The following DAGLA variants were observed in gnomAD, a reference collection of about 807,000 sequenced individuals.
The protein encoded by DAGLA is diacylglycerol lipase-alpha.
In DAGLA, 22 loss-of-function variants were observed where a neutral mutation model predicts 102.6. That is an observed-to-expected ratio of 0.21 (90% confidence interval 0.15 to 0.31). The LOEUF is 0.31. Among genes scored for constraint, DAGLA ranks in the 10% least tolerant of loss-of-function variants. The probability of loss-of-function intolerance (pLI) is 1.00; values close to 1 mark genes in which losing one functional copy is unlikely to be tolerated. For missense variants in DAGLA, 927 were observed against 1,446.6 expected (o/e 0.64, Z 5.83); for synonymous variants, 578 against 628.9 (o/e 0.92, Z 1.21).
chr11:61,741,725 C>T lies in DAGLA; in HGVS notation c.2171+376C>T, dbSNP rs192490901. Among the ~76,000 whole-genome samples the T allele has an allele frequency of 2.8e-3, 419 of 151,950 alleles. 2 individuals are homozygous for T. The highest frequency in any genetic ancestry group is 6.6e-3 in the South Asian group (32 of 4,814). On this transcript the variant is annotated intron_variant, in intron 19 of 19. Transcript: ENST00000257215. ...CTCCCAGGTTCAAGCGATTATCCTG[C>T]CTCAGCCTCCCAAGTAGCTGGGATT...
Position 61,743,979 on chromosome 11 carries a change from T to C in DAGLA, c.2619T>C (p.Ala873=), listed in dbSNP as rs773940752. Residue 873 remains alanine, a synonymous_variant, in exon 20 of 20, where the codon GCT becomes GCC. Transcript: ENST00000257215. Reference sequence around the variant, plus strand: ...TCACTCCTGAGCGGCCCCCCAGTGCTGCGGCCAATGACGAGGAGGAAGAGG... The same window carrying C: ...TCACTCCTGAGCGGCCCCCCAGTGCCGCGGCCAATGACGAGGAGGAAGAGG... The part of the protein sequence containing the change: ...GGVTPERPPS[A]AANDEEEEVG... The C allele has an allele frequency of 4.3e-6, 7 of 1,611,902 alleles. No individual in the cohort carries two copies. Among genetic ancestry groups the C allele is most frequent in the South Asian group, 1.1e-5 (1 of 91,054 alleles).
At chr11:61,720,943 T>C in intron 3 of DAGLA, 53 bp downstream of exon 3, 1 of 1,541,152 alleles carries the variant, frequency 6.5e-7, no homozygotes. Context: ...ACCTCTCCAT[T>C]CACTCAGCCA....
Position 61,723,681 on chromosome 11 carries a change from C to T in DAGLA, c.548+109C>T, listed in dbSNP as rs1380603774. ...CCAGGCCTCCCAGACTGCATGCCAA[C>T]CTCGTGTGAGCCGTGGGCATTAGTC... On this transcript the variant is annotated intron_variant, in intron 5 of 19. Coordinates refer to ENST00000257215, the MANE Select transcript of DAGLA (RefSeq NM_006133.3). 1.7e-5 allele frequency: 24 copies of T among 1,421,902 alleles called. No homozygotes were observed. In the Admixed American group the frequency reaches 2.5e-4, roughly 15 times the overall value. The allele number at this position is 1,421,902 out of a possible 1,614,324, so 88.1% of individuals were successfully genotyped here. A position where few individuals can be genotyped will look rare whatever the true frequency, so the allele number is the denominator to read the frequency against.
At position 61,738,324 on chromosome 11, in the gene DAGLA, G is replaced by A. The variant is rs1352566968; in HGVS notation, c.1656+117G>A. On this transcript the variant is annotated intron_variant, in intron 16 of 19. Transcript: ENST00000257215. ...CCCTGCCATGGAAGGCCAGGGCAGG[G>A]TGTGGCTGGTGTTGTGGGAACTTCA... 2.6e-5 allele frequency: 21 copies of A among 797,876 alleles called. No homozygotes were observed. In the South Asian group the frequency reaches 3.4e-4, roughly 13 times the overall value. 49.4% of individuals were successfully genotyped at this position (797,876 alleles called of 1,614,324 possible).
At chr11:61,701,981 G>T (rs1242714166) in intron 1 of DAGLA, among the ~76,000 whole-genome samples, 1 of 151,808 alleles carries the variant, frequency 6.6e-6, no homozygotes, top group Admixed American at 6.6e-5. Flanking sequence ...CCCGTATGTT[G>T]CCCAAACTAT....
chr11:61,738,104 G>A, intron 15 of DAGLA, 31 bp from the exon 16 acceptor site: 1 of 1,597,692 alleles, frequency 6.3e-7, no homozygotes, highest in Admixed American at 1.7e-5. Flanking sequence ...GACCAGGCCT[G>A]GCTGACGGCC....
chr11:61,735,479 A>G, intron 10 of DAGLA, 82 bp from the exon 11 acceptor site: 1 of 1,272,394 alleles, frequency 7.9e-7, no homozygotes, highest in Middle Eastern at 1.9e-4. Context: ...GTTCCTGGCC[A>G]GGAAGGAGAC....
At chr11:61,718,566 C>T (rs1339121581) in intron 1 of DAGLA, among the ~76,000 whole-genome samples, 6 of 152,174 alleles carry the variant, frequency 3.9e-5, no homozygotes, top group South Asian at 2.1e-4. Flanking sequence ...GCACTGCTGA[C>T]GCCCCGGACC....
intron 9 of DAGLA, 103 bp downstream of exon 9, chr11:61,731,544 T>C (rs748453483): frequency 1.1e-5 from 16 of 1,461,578 alleles, no homozygotes; most frequent in Non-Finnish European, 1.5e-5. Context: ...CTGAATGGCT[T>C]CTTTTCTACA....
At chr11:61,714,606 G>T (rs2065221733) in intron 1 of DAGLA, among the ~76,000 whole-genome samples, 1 of 152,214 alleles carries the variant, frequency 6.6e-6, no homozygotes, top group Admixed American at 6.5e-5. Flanking sequence ...GTTTGAGTGG[G>T]GTATGTAGTG....
intron 1 of DAGLA, among the ~76,000 whole-genome samples, chr11:61,694,619 C>T (rs72918055): frequency 5.3e-5 from 8 of 152,330 alleles, no homozygotes; most frequent in Non-Finnish European, 1.2e-4. Flanking sequence ...TCAAGTGCCC[C>T]CTGCCAGGCT....
intron 4 of DAGLA, 132 bp from the exon 5 acceptor site, chr11:61,723,302 G>T (rs2065299295): frequency 4.4e-5 from 57 of 1,292,540 alleles, no homozygotes; most frequent in Non-Finnish European, 6.1e-5. Context: ...GGGACCAGGG[G>T]CTTTGGAGCC....
chr11:61,700,701 C>G (rs2065103243), intron 1 of DAGLA, among the ~76,000 whole-genome samples: 1 of 152,236 alleles, frequency 6.6e-6, no homozygotes, highest in South Asian at 2.1e-4. Context: ...CCGGGTGCCT[C>G]CCTCCCTGCA....
chr11:61,733,419 C>A (rs2135596604), intron 9 of DAGLA, among the ~76,000 whole-genome samples: 1 of 152,370 alleles, frequency 6.6e-6, no homozygotes, highest in African/African-American at 2.4e-5. Flanking sequence ...GCTTTCTCAG[C>A]AAAGTCTCTC....
intron 1 of DAGLA, among the ~76,000 whole-genome samples, chr11:61,714,415 G>C (rs1386250377): frequency 6.6e-6 from 1 of 152,266 alleles, no homozygotes; most frequent in Non-Finnish European, 1.5e-5. Flanking sequence ...AGGAGAGCCA[G>C]CCGCAGGTGA....
chr11:61,711,374 A>T (rs1312776121), intron 1 of DAGLA, among the ~76,000 whole-genome samples: 1 of 152,148 alleles, frequency 6.6e-6, no homozygotes, highest in Non-Finnish European at 1.5e-5. Context: ...AAAATGAATA[A>T]TCTCCAAGGA....
At chr11:61,696,032 C>T (rs1020434931) in intron 1 of DAGLA, among the ~76,000 whole-genome samples, 1 of 152,234 alleles carries the variant, frequency 6.6e-6, no homozygotes, top group Non-Finnish European at 1.5e-5. Flanking sequence ...GCGGAGGCCT[C>T]GCTCCAGGAC....
chr11:61,695,178 A>T (rs564638198), intron 1 of DAGLA, among the ~76,000 whole-genome samples: 2 of 152,200 alleles, frequency 1.3e-5, no homozygotes, highest in Non-Finnish European at 2.9e-5. Context: ...CACAAGGTGC[A>T]TCTGCCCACA....
At chr11:61,733,522 C>A (rs2065395251) in intron 9 of DAGLA, among the ~76,000 whole-genome samples, 1 of 152,240 alleles carries the variant, frequency 6.6e-6, no homozygotes, top group Non-Finnish European at 1.5e-5. Flanking sequence ...TTAATAAAAT[C>A]TCAGCTGTCA....
Sources: gnomAD v4.1 joint callset for allele counts (sites outside exome capture counted in the v4.1 genomes callset) on GRCh38, gnomAD v4.1.1 for gene constraint, MANE v1.5 for transcripts, NCBI Gene and HGNC (gene_info 2026-07-23, HGNC 2026-07-21) for gene names.